Variants in ATG7 observed in about 807,000 individuals in gnomAD.
ATG7 encodes ubiquitin-like modifier-activating enzyme ATG7.
In ATG7, 70 loss-of-function variants were observed where a neutral mutation model predicts 82.4. That is an observed-to-expected ratio of 0.85 (90% confidence interval 0.70 to 1.04). ATG7 has a LOEUF of 1.04. Ranked by LOEUF, ATG7 falls within the 50% of genes least tolerant of loss-of-function variation. The pLI is 0.00. For synonymous variants in ATG7, 287 were observed against 313.0 expected, an observed-to-expected ratio of 0.92 and a Z score of 0.88; for missense variants, 792 against 864.3, an observed-to-expected ratio of 0.92 and a Z score of 1.05.
In ATG7 at chr3:11,348,053, C is replaced by G; in HGVS notation, c.1284+18C>G. The stretch of plus-strand genomic sequence containing the variant: ...CCGGTGTGGTATGTTGTTGCTTTTG[C>G]AGAGGTTTTCTGTTATATGTATAAA... On this transcript the variant is annotated intron_variant, in intron 14 of 20. Coordinates refer to ENST00000693202, the MANE Select transcript of ATG7 (RefSeq NM_001349232.2). 6.2e-7 allele frequency: 1 copy of G among 1,606,800 alleles called. No homozygotes were observed. Among genetic ancestry groups the G allele is most frequent in the Non-Finnish European group, 8.5e-7 (1 of 1,175,472 alleles).
intron 20 of ATG7, among the ~76,000 whole-genome samples, chr3:11,511,336 C>A (rs1220965060): frequency 2.0e-5 from 3 of 152,178 alleles, no homozygotes; most frequent in Non-Finnish European, 4.4e-5. Context: ...TCCATGTTCC[C>A]ATCATATTAG....
At chr3:11,285,414 A>C (rs1943827648) in intron 3 of ATG7, among the ~76,000 whole-genome samples, 1 of 150,762 alleles carries the variant, frequency 6.6e-6, no homozygotes, top group Admixed American at 6.6e-5. Context: ...GGGCTCAAGC[A>C]GTCCTCCTTC....
At chr3:11,280,632 A>G (rs903881541) in intron 1 of ATG7, among the ~76,000 whole-genome samples, 1 of 152,176 alleles carries the variant, frequency 6.6e-6, no homozygotes, top group Non-Finnish European at 1.5e-5. Flanking sequence ...ATCTTTTTTT[A>G]TCCTGAATTT....
intron 20 of ATG7, among the ~76,000 whole-genome samples, chr3:11,543,566 C>T (rs2071018333): frequency 6.6e-6 from 1 of 152,142 alleles, no homozygotes; most frequent in Non-Finnish European, 1.5e-5. Context: ...GGAAGGCAGG[C>T]GGGTGTCTTT....
In ATG7 at chr3:11,391,245, C is replaced by G. The variant is rs183531338; in HGVS notation, c.1956+11193C>G. Among the ~76,000 whole-genome samples the G allele has an allele frequency of 6.2e-4, 95 of 152,278 alleles. 1 individual carries two copies. Among genetic ancestry groups the G allele is most frequent in the African/African-American group, 2.2e-3 (91 of 41,568 alleles). On this transcript the variant is annotated intron_variant, in intron 19 of 20. Coordinates refer to ENST00000693202, the MANE Select transcript of ATG7 (RefSeq NM_001349232.2). ...ATACTAATGTGCAAGTTTTTAGATTCTTTTTCTTTTTCTTTCCTTTTCCCT... is the reference window on the plus strand; with the variant it reads ...ATACTAATGTGCAAGTTTTTAGATTGTTTTTCTTTTTCTTTCCTTTTCCCT...
At chr3:11,445,279 A>G (rs1193761405) in intron 20 of ATG7, among the ~76,000 whole-genome samples, 1 of 152,238 alleles carries the variant, frequency 6.6e-6, no homozygotes, top group African/African-American at 2.4e-5. Flanking sequence ...ACTATTCACA[A>G]TAGCGAAGAC....
the ATG7 span, among the ~76,000 whole-genome samples, chr3:11,565,653 C>G: frequency 6.6e-6 from 1 of 152,214 alleles, no homozygotes; most frequent in African/African-American, 2.4e-5. The surrounding 1 kb of genome is among the most constrained non-coding windows in gnomAD (Gnocchi z 4.1). Flanking sequence ...GCGCGCAGCT[C>G]TCTCGTCCAG....
At chr3:11,513,176 G>T (rs1575141305) in intron 20 of ATG7, among the ~76,000 whole-genome samples, 2 of 152,370 alleles carry the variant, frequency 1.3e-5, no homozygotes, top group African/African-American at 4.8e-5. Context: ...GAGCCCAGCT[G>T]GCTTCACCCA....
rs919702254 is a variant in ATG7, at chr3:11,371,374, G to A, written c.1875+6640G>A. On this transcript the variant is annotated intron_variant, in intron 18 of 20. Coordinates refer to ENST00000693202, the MANE Select transcript of ATG7 (RefSeq NM_001349232.2). ...GAGACAGCGAGTAAAGGGGCACAGC[G>A]GAGAAGGCAGGAATGCAGGGGCCAT... Among the ~76,000 whole-genome samples the A allele has an allele frequency of 3.3e-5, 5 of 151,038 alleles. No individual in the cohort carries two copies. The East Asian group carries it at 5.8e-4, about 17-fold the overall frequency.
downstream of ATG7, chr3:11,558,401 A>G (rs2072630485): frequency 7.8e-7 from 1 of 1,279,148 alleles, no homozygotes; most frequent in South Asian, 1.6e-5. Context: ...AAGTACAAAA[A>G]CAGAACACAA....
intron 20 of ATG7, among the ~76,000 whole-genome samples, chr3:11,441,080 A>G (rs1468498999): frequency 6.6e-6 from 1 of 152,182 alleles, no homozygotes; most frequent in Non-Finnish European, 1.5e-5. Context: ...TTGAGTTTCT[A>G]ATAACAAATA....
At chr3:11,545,725 C>G (rs913393041) in intron 20 of ATG7, among the ~76,000 whole-genome samples, 1 of 152,122 alleles carries the variant, frequency 6.6e-6, no homozygotes, top group Admixed American at 6.5e-5. Flanking sequence ...TTGTCAGCCC[C>G]CCTGGCGGTT....
chr3:11,457,605 C>G, intron 20 of ATG7, among the ~76,000 whole-genome samples: 1 of 152,084 alleles, frequency 6.6e-6, no homozygotes, highest in Non-Finnish European at 1.5e-5. Flanking sequence ...GAAACATTTC[C>G]GGAACATACA....
chr3:11,379,226 GTT>G (rs1305667093), intron 18 of ATG7, among the ~76,000 whole-genome samples: 1 of 152,134 alleles, frequency 6.6e-6, no homozygotes, highest in Non-Finnish European at 1.5e-5. Flanking sequence ...CCTATGGAGA[GTT>G]TAGAGATGTT....
chr3:11,337,731 A>G (rs1408906815), intron 11 of ATG7, among the ~76,000 whole-genome samples: 1 of 152,010 alleles, frequency 6.6e-6, no homozygotes, highest in Non-Finnish European at 1.5e-5. Context: ...TTCCTCCTGC[A>G]ATCTTTCCTC....
At chr3:11,480,800 G>A (rs2088871354) in intron 20 of ATG7, among the ~76,000 whole-genome samples, 1 of 152,198 alleles carries the variant, frequency 6.6e-6, no homozygotes, top group Non-Finnish European at 1.5e-5. Flanking sequence ...GGAGAGCGAG[G>A]AGGGCCTATC....
At chr3:11,273,777 T>TGGTGGC (rs1941052955) in intron 1 of ATG7, among the ~76,000 whole-genome samples, 1 of 152,070 alleles carries the variant, frequency 6.6e-6, no homozygotes, top group Admixed American at 6.6e-5. Flanking sequence ...ATAGTGGTGG[T>TGGTGGC]GGTGGCGGTG....
the ATG7 span, among the ~76,000 whole-genome samples, chr3:11,573,069 GGGA>G: frequency 6.6e-6 from 1 of 151,900 alleles, no homozygotes; most frequent in East Asian, 1.9e-4. Flanking sequence ...CAGAGGCTGA[GGGA>G]GGAGAATCGG....
intron 20 of ATG7, among the ~76,000 whole-genome samples, chr3:11,544,788 C>G (rs909889369): frequency 1.3e-5 from 2 of 152,210 alleles, no homozygotes; most frequent in Admixed American, 1.3e-4. Context: ...ATATCCAGAA[C>G]AGATGGTTCT....
Sources: gnomAD v4.1 joint callset for allele counts (sites outside exome capture counted in the v4.1 genomes callset) on GRCh38, gnomAD v4.1.1 for gene constraint, Gnocchi (gnomAD v3.1) non-coding constraint, MANE v1.5 for transcripts, NCBI Gene and HGNC (gene_info 2026-07-23, HGNC 2026-07-21) for gene names.